AIG1: variants seen among roughly 807,000 people sequenced by gnomAD.
AIG1 encodes androgen induced 1, also known as androgen-induced gene 1 protein.
AIG1 carries 23 observed loss-of-function variants against 31.4 expected under a neutral mutation model. That is an observed-to-expected ratio of 0.73 (90% CI 0.53 to 1.04). The LOEUF is 1.04. AIG1 is among the 50% of genes least tolerant of loss of function. The probability of loss-of-function intolerance (pLI) is 0.00; values close to 1 mark genes in which losing one functional copy is unlikely to be tolerated. For synonymous variants in AIG1, 100 were observed against 110.5 expected, an observed-to-expected ratio of 0.90 and a Z score of 0.60; for missense variants, 274 against 295.0, an observed-to-expected ratio of 0.93 and a Z score of 0.52.
chr6:143,165,630 G>A lies in AIG1; in HGVS notation c.399+447G>A, dbSNP rs1309104668. Among the ~76,000 whole-genome samples, 5 of 152,336 alleles carry A rather than the reference G, an allele frequency of 3.3e-5. No individual in the cohort carries two copies. The East Asian group carries it at 9.6e-4, about 29-fold the overall frequency. On this transcript the variant is annotated intron_variant, in intron 3 of 5. Coordinates refer to ENST00000357847, the MANE Select transcript of AIG1 (RefSeq NM_016108.4). Reference sequence around the variant, plus strand: ...CTGGACAGTTTCCCTCAGATGGGCAGCAAGGCTGTGACTTTCTTTCAGAGA... The same window carrying A: ...CTGGACAGTTTCCCTCAGATGGGCAACAAGGCTGTGACTTTCTTTCAGAGA...
In AIG1 at chr6:143,066,537, T is replaced by G. The variant is rs564625404; in HGVS notation, c.141+5471T>G. ...ATCTGTCTGCATTGGCCTCCCAAAG[T>G]GCTGGGATTACAGGTGTGAGCCACC... On this transcript the variant is annotated intron_variant, in intron 1 of 5. Transcript: ENST00000357847. 1.7e-4 allele frequency among the ~76,000 whole-genome samples: 26 copies of G among 152,254 alleles called. No homozygotes were observed. The East Asian group carries it at 4.6e-3, about 27-fold the overall frequency.
In AIG1 at chr6:143,296,336, C is replaced by T. The variant is rs192837496; in HGVS notation, c.515+12111C>T. 4.6e-5 allele frequency among the ~76,000 whole-genome samples: 7 copies of T among 152,268 alleles called. No individual in the cohort carries two copies. In the East Asian group the frequency reaches 1.4e-3, roughly 29 times the overall value. Reference sequence around the variant, plus strand: ...CCTAGTTCAGGCAATAAAAACATTCCACATAGAGGAAATATTCATTAATTA... The same window carrying T: ...CCTAGTTCAGGCAATAAAAACATTCTACATAGAGGAAATATTCATTAATTA... On this transcript the variant is annotated intron_variant, in intron 4 of 5. Coordinates refer to ENST00000357847, the MANE Select transcript of AIG1 (RefSeq NM_016108.4).
At chr6:143,084,777 A>G (rs1364681153) in intron 1 of AIG1, among the ~76,000 whole-genome samples, 1 of 152,132 alleles carries the variant, frequency 6.6e-6, no homozygotes, top group South Asian at 2.1e-4. Flanking sequence ...AATAATTTAT[A>G]GGCTTTCTCC....
chr6:143,342,451 C>T, downstream of AIG1: 1 of 768,662 alleles, frequency 1.3e-6, no homozygotes, highest in East Asian at 2.4e-5. Flanking sequence ...GACACGGCAA[C>T]AAGTGGTGAA....
Position 143,159,636 on chromosome 6 carries a change from CTG to C in AIG1, c.298-5443_298-5442del, listed in dbSNP as rs938958873. On this transcript the variant is annotated intron_variant, in intron 2 of 5. Transcript: ENST00000357847. ...TGATTGTCCTCTGGAACAAAGGAGA[CTG>C]TGGCATTTTAGAGAGCCCTAAGCTT... is the stretch of plus-strand genomic sequence containing the variant. Among the ~76,000 whole-genome samples the C allele has an allele frequency of 1.6e-3, 237 of 152,296 alleles. 2 individuals are homozygous for C. The highest frequency in any genetic ancestry group is 5.4e-3 in the African/African-American group (224 of 41,562).
At chr6:143,211,061 TA>T (rs1791550985) in intron 3 of AIG1, among the ~76,000 whole-genome samples, 1 of 152,212 alleles carries the variant, frequency 6.6e-6, no homozygotes, top group Non-Finnish European at 1.5e-5. Context: ...ATTTTGCACA[TA>T]TTAACTTATT....
rs992473473 is a variant in AIG1, at chr6:143,330,393, C to T, written c.516-2889C>T. On this transcript the variant is annotated intron_variant, in intron 4 of 5. Coordinates refer to ENST00000357847, the MANE Select transcript of AIG1 (RefSeq NM_016108.4). The surrounding 1 kb of genome is among the most constrained non-coding windows in gnomAD (Gnocchi z 4.4). ...TGAAAACCCGAAGGACACAAGGGAG[C>T]CCAAGGGGATGCTGTGGGGGTGGTG... is the stretch of plus-strand genomic sequence containing the variant. 1.3e-5 allele frequency among the ~76,000 whole-genome samples: 2 copies of T among 152,022 alleles called. No individual in the cohort carries two copies. The highest frequency in any genetic ancestry group is 2.9e-5 in the Non-Finnish European group (2 of 68,010).
At position 143,330,956 on chromosome 6, in the gene AIG1, A is replaced by G. The variant is rs896673924; in HGVS notation, c.516-2326A>G. ...CCATTTAATTTCTGCGGATTCTCAC[A>G]ACTGCTTCAGCTTTTCTAACAGAAT... On this transcript the variant is annotated intron_variant, in intron 4 of 5. Coordinates refer to ENST00000357847, the MANE Select transcript of AIG1 (RefSeq NM_016108.4). The surrounding 1 kb of genome is among the most constrained non-coding windows in gnomAD (Gnocchi z 4.4). Among the ~76,000 whole-genome samples the G allele has an allele frequency of 6.6e-6, 1 of 152,186 alleles. No homozygotes were observed. Among genetic ancestry groups the G allele is most frequent in the African/African-American group, 2.4e-5 (1 of 41,434 alleles).
At chr6:143,187,554 G>T in intron 3 of AIG1, 1 of 1,536,020 alleles carries the variant, frequency 6.5e-7, no homozygotes, top group Non-Finnish European at 8.7e-7. Context: ...TGTAATATTT[G>T]CATAAAAATA....
intron 4 of AIG1, among the ~76,000 whole-genome samples, chr6:143,303,002 T>G (rs1798941864): frequency 6.6e-6 from 1 of 152,208 alleles, no homozygotes; most frequent in Non-Finnish European, 1.5e-5. Context: ...TTCATGTGTT[T>G]TTTGGCTGCA....
rs1797847399 is a variant in AIG1 at position 143,288,523 on chromosome 6, G to T, written c.515+4298G>T. 6.6e-6 allele frequency among the ~76,000 whole-genome samples: 1 copy of T among 152,190 alleles called. No homozygotes were observed. The highest frequency in any genetic ancestry group is 1.5e-5 in the Non-Finnish European group (1 of 68,046). ...AGTGTATTTAAAGCAAAATAGAGAT[G>T]TCTGTTGTCTCTGCACCCTAGTGGT... is the stretch of plus-strand genomic sequence containing the variant. On this transcript the variant is annotated intron_variant, in intron 4 of 5. Coordinates refer to ENST00000357847, the MANE Select transcript of AIG1 (RefSeq NM_016108.4). The surrounding 1 kb of genome is among the most constrained non-coding windows in gnomAD (Gnocchi z 4.4).
intron 1 of AIG1, among the ~76,000 whole-genome samples, chr6:143,064,249 A>G (rs926887650): frequency 1.3e-5 from 2 of 152,210 alleles, no homozygotes; most frequent in Admixed American, 6.5e-5. Flanking sequence ...ATTGGGCCCA[A>G]TGTAATTACA....
Position 143,284,133 on chromosome 6 carries a change from A to G in AIG1, c.423A>G (p.Ile141Met). 1 of 1,613,938 alleles carries G rather than the reference A, an allele frequency of 6.2e-7. No individual in the cohort carries two copies. The highest frequency in any genetic ancestry group is 8.5e-7 in the Non-Finnish European group (1 of 1,179,874). The change falls in exon 4 of 6, where the codon ATA becomes ATG. Residue 141 changes from isoleucine to methionine, a missense_variant. This residue lies in a region of AIG1 where 243 missense variants were observed against 238.5 expected (regional missense o/e 1.02). Transcript: ENST00000357847. This position sits in a 1 kb window ranked among gnomAD's most constrained non-coding sequence, Gnocchi z 4.4. ...AGCACACGACGGTTCTGCCCTTTAT[A>G]TTAATCGAGATGAGGACATCGCACC... Reference protein sequence around the residue: ...HGMHTTVLPFILIEMRTSHHQ... With the variant: ...HGMHTTVLPFMLIEMRTSHHQ...
intron 3 of AIG1, among the ~76,000 whole-genome samples, chr6:143,237,386 T>A (rs1329352484): frequency 6.6e-6 from 1 of 152,194 alleles, no homozygotes; most frequent in Non-Finnish European, 1.5e-5. Flanking sequence ...TAGTTGAGGC[T>A]ACAATTTATT....
intron 3 of AIG1, among the ~76,000 whole-genome samples, chr6:143,259,660 C>T (rs1014311031): frequency 3.9e-5 from 6 of 152,162 alleles, no homozygotes; most frequent in South Asian, 2.1e-4. Flanking sequence ...TCATTCCTTG[C>T]GTGCTCATAA....
chr6:143,074,544 T>C (rs986102957), intron 1 of AIG1, among the ~76,000 whole-genome samples: 1 of 152,238 alleles, frequency 6.6e-6, no homozygotes, highest in African/African-American at 2.4e-5. Flanking sequence ...TGTCAAAAAT[T>C]AGTTGACTAT....
At chr6:143,076,833 G>A (rs1037479030) in intron 1 of AIG1, among the ~76,000 whole-genome samples, 4 of 152,020 alleles carry the variant, frequency 2.6e-5, no homozygotes, top group South Asian at 2.1e-4. Context: ...CACCACGCCC[G>A]GCTAATTTCT....
chr6:143,214,449 C>A (rs999204865), intron 3 of AIG1, among the ~76,000 whole-genome samples: 7 of 152,136 alleles, frequency 4.6e-5, no homozygotes, highest in African/African-American at 1.7e-4. Context: ...ATTATTAGGC[C>A]TCTTTGCTAA....
At chr6:143,165,007 A>G (rs1338070768) in intron 2 of AIG1, 75 bp from the exon 3 acceptor site, 1 of 1,142,786 alleles carries the variant, frequency 8.8e-7, no homozygotes, top group South Asian at 1.3e-5. Context: ...GATTCTTTCA[A>G]CTATTGTTAA....
Sources: allele counts gnomAD v4.1 joint callset (sites outside exome capture counted in the v4.1 genomes callset), GRCh38; gene constraint gnomAD v4.1.1; regional missense constraint gnomAD v4.1.1; non-coding constraint Gnocchi (gnomAD v3.1); transcripts MANE v1.5; gene names NCBI Gene and HGNC (gene_info 2026-07-23, HGNC 2026-07-21).